RRP15: variants seen among roughly 807,000 people sequenced by gnomAD.
RRP15 encodes ribosomal RNA processing 15 homolog.
A neutral mutation model predicts 27.1 loss-of-function variants in RRP15; 18 were observed. The observed-to-expected ratio is 0.66, with a 90% CI of 0.46 to 0.98. The LOEUF is 0.98. Among genes scored for constraint, RRP15 ranks in the 50% least tolerant of loss-of-function variants. The probability of loss-of-function intolerance (pLI) is 0.00; values close to 1 mark genes in which losing one functional copy is unlikely to be tolerated. For synonymous variants in RRP15, 107 were observed against 109.4 expected, an observed-to-expected ratio of 0.98 and a Z score of 0.14; for missense variants, 359 against 337.8, an observed-to-expected ratio of 1.06 and a Z score of -0.49.
intron 4 of RRP15, among the ~76,000 whole-genome samples, chr1:218,321,478 T>C (rs1247555779): frequency 6.6e-6 from 1 of 152,224 alleles, no homozygotes; most frequent in Non-Finnish European, 1.5e-5. Flanking sequence ...CTAACACAGC[T>C]TCCATCTATG....
chr1:218,315,618 T>A (rs568465938), intron 4 of RRP15, among the ~76,000 whole-genome samples: 23 of 151,460 alleles, frequency 1.5e-4, no homozygotes, highest in South Asian at 8.3e-4. Context: ...TTTATTTTTT[T>A]TTTTTTGTAT....
At chr1:218,314,099 C>T (rs776447846) in intron 4 of RRP15, among the ~76,000 whole-genome samples, 2 of 151,966 alleles carry the variant, frequency 1.3e-5, no homozygotes, top group African/African-American at 4.8e-5. Context: ...AAGTGATCCA[C>T]CCACCTAGGC....
At chr1:218,315,610 TA>T (rs200066386) in intron 4 of RRP15, among the ~76,000 whole-genome samples, 4,791 of 150,324 alleles carry the variant, frequency 0.032, 269 homozygotes, top group African/African-American at 0.11. Context: ...TTTATTATTT[TA>T]TTTTTTTTTT....
Position 218,319,395 on chromosome 1 carries a change from G to C in RRP15, c.706-11553G>C, listed in dbSNP as rs115794603. ...GTCTTTTTAAAATGTCATGGACATA[G>C]GGATTTTTATTCAGTGTTTACAGTC... On this transcript the variant is annotated intron_variant, in intron 4 of 4. Transcript: ENST00000366932. Among the ~76,000 whole-genome samples, 4 of 152,116 alleles carry C rather than the reference G, an allele frequency of 2.6e-5. No individual in the cohort carries two copies. The East Asian group carries it at 7.7e-4, about 29-fold the overall frequency.
Position 218,331,388 on chromosome 1 carries a change from T to C in RRP15, c.*297T>C, listed in dbSNP as rs973753897. 1 of 198,656 alleles carries C rather than the reference T, an allele frequency of 5.0e-6. No individual in the cohort carries two copies. Among genetic ancestry groups the C allele is most frequent in the South Asian group, 1.3e-4 (1 of 7,892 alleles). The allele number at this position is 198,656 out of a possible 1,614,324, so 12.3% of individuals were successfully genotyped here. On this transcript the variant is annotated 3_prime_UTR_variant, in exon 5 of 5. Transcript: ENST00000366932. ...ATTGGTCATGTCTATTGGTGTATTA[T>C]TTCAGTATCACCAATGTTTTCAGAA... is the stretch of plus-strand genomic sequence containing the variant.
At chr1:218,306,417 G>A (rs538969483) in intron 3 of RRP15, among the ~76,000 whole-genome samples, 2 of 152,092 alleles carry the variant, frequency 1.3e-5, no homozygotes, top group South Asian at 2.1e-4. Flanking sequence ...GCTCTTTGTC[G>A]GGGGGAGATG....
At chr1:218,310,358 C>T (rs1430945821) in intron 4 of RRP15, among the ~76,000 whole-genome samples, 2 of 152,156 alleles carry the variant, frequency 1.3e-5, no homozygotes, top group Non-Finnish European at 2.9e-5. Context: ...CACTGGCAGC[C>T]ATCTATCAGG....
rs757364353 is a variant in RRP15, at chr1:218,331,078, ACT to A, written c.839_840del (p.Ser280Ter). On this transcript the variant is annotated frameshift_variant, in exon 5 of 5. Coordinates refer to ENST00000366932, the MANE Select transcript of RRP15 (RefSeq NM_016052.4). LOFTEE classifies it high-confidence loss of function. ...GACAGCAGACCAGAATCTGCAAGTG[ACT>A]CTGATACATAAAGCATCATAGGAAA... is the stretch of plus-strand genomic sequence containing the variant. 6.2e-7 allele frequency: 1 copy of A among 1,610,856 alleles called. No individual in the cohort carries two copies. Among genetic ancestry groups the A allele is most frequent in the East Asian group, 2.2e-5 (1 of 44,820 alleles).
At chr1:218,311,881 G>A (rs1284600990) in intron 4 of RRP15, among the ~76,000 whole-genome samples, 36 of 152,004 alleles carry the variant, frequency 2.4e-4, no homozygotes, top group Non-Finnish European at 2.9e-5. Flanking sequence ...AGATGAAGGA[G>A]GTAATCTCGA....
At chr1:218,329,001 G>A (rs889249770) in intron 4 of RRP15, among the ~76,000 whole-genome samples, 17 of 152,166 alleles carry the variant, frequency 1.1e-4, no homozygotes, top group South Asian at 4.1e-4. Context: ...ACACTTTTCC[G>A]AATTTAATTG....
chr1:218,321,743 A>T (rs1656190828), intron 4 of RRP15, among the ~76,000 whole-genome samples: 1 of 152,090 alleles, frequency 6.6e-6, no homozygotes, highest in Non-Finnish European at 1.5e-5. Flanking sequence ...CATTCTCAGG[A>T]TGTCTTAACA....
At chr1:218,299,233 T>C (rs1322569373) in intron 1 of RRP15, among the ~76,000 whole-genome samples, 1 of 152,182 alleles carries the variant, frequency 6.6e-6, no homozygotes, top group East Asian at 1.9e-4. Context: ...TGTCAGTGAA[T>C]GCCTGATTAA....
rs553521023 is a variant in RRP15, at chr1:218,307,003, A to C, written c.504-428A>C. ...AATTTTCAGAATTTATCTTTGAATGAACTCAAATAAATACAGAACATAGTT... is the reference window on the plus strand; with the variant it reads ...AATTTTCAGAATTTATCTTTGAATGCACTCAAATAAATACAGAACATAGTT... On this transcript the variant is annotated intron_variant, in intron 3 of 4. Transcript: ENST00000366932. Among the ~76,000 whole-genome samples, 54 of 152,330 alleles carry C rather than the reference A, an allele frequency of 3.5e-4. 1 individual carries two copies. The South Asian group carries it at 9.1e-3, about 26-fold the overall frequency.
intron 4 of RRP15, among the ~76,000 whole-genome samples, chr1:218,330,301 C>T (rs1339848477): frequency 1.3e-5 from 2 of 152,058 alleles, no homozygotes; most frequent in East Asian, 1.9e-4. Context: ...CTAAATGAAA[C>T]GAATTGACTA....
Position 218,318,238 on chromosome 1 carries a change from T to A in RRP15, c.705+10606T>A, listed in dbSNP as rs537343872. Among the ~76,000 whole-genome samples the A allele has an allele frequency of 3.0e-4, 46 of 151,792 alleles. No individual in the cohort carries two copies. The East Asian group carries it at 6.6e-3, about 22-fold the overall frequency. ...CATGTGCCCCGAAGATTCTCTTTTT[T>A]AAAAAAAAATCAGTTTTATTGAGGT... On this transcript the variant is annotated intron_variant, in intron 4 of 4. Coordinates refer to ENST00000366932, the MANE Select transcript of RRP15 (RefSeq NM_016052.4).
intron 4 of RRP15, among the ~76,000 whole-genome samples, chr1:218,324,892 C>G (rs933784858): frequency 2.0e-5 from 3 of 151,980 alleles, no homozygotes; most frequent in African/African-American, 7.3e-5. Flanking sequence ...TTTTTGAAGT[C>G]AAATGATCTG....
At chr1:218,314,428 C>G (rs1044034835) in intron 4 of RRP15, among the ~76,000 whole-genome samples, 6 of 152,004 alleles carry the variant, frequency 3.9e-5, no homozygotes, top group Non-Finnish European at 4.4e-5. Flanking sequence ...GAAAAGCCAA[C>G]TAAAATTCAA....
chr1:218,290,567 A>G (rs1388989778), intron 1 of RRP15, among the ~76,000 whole-genome samples: 1 of 152,178 alleles, frequency 6.6e-6, no homozygotes, highest in African/African-American at 2.4e-5. Context: ...TGTTAGGCTC[A>G]AGCCATCCTC....
intron 1 of RRP15, among the ~76,000 whole-genome samples, chr1:218,292,189 G>A (rs1010108001): frequency 6.6e-6 from 1 of 152,106 alleles, no homozygotes; most frequent in African/African-American, 2.4e-5. Flanking sequence ...CATACATTTT[G>A]GGCATACTGT....
Sources: gnomAD v4.1 joint callset for allele counts (sites outside exome capture counted in the v4.1 genomes callset) on GRCh38, gnomAD v4.1.1 for gene constraint, MANE v1.5 for transcripts, NCBI Gene and HGNC (gene_info 2026-07-23, HGNC 2026-07-21) for gene names.